The following SLC6A6 variants were observed in gnomAD, a reference collection of about 807,000 sequenced individuals.
The protein encoded by SLC6A6 is solute carrier family 6 member 6.
Under a neutral mutation model 68.8 loss-of-function variants are expected in SLC6A6, and 16 were observed. The ratio of observed to expected loss-of-function variants is 0.23; its 90% CI spans 0.16 to 0.35. The LOEUF (loss-of-function observed/expected upper bound fraction) is 0.35, where lower values mean the gene tolerates loss of function less well. Among genes scored for constraint, SLC6A6 ranks in the 10% least tolerant of loss-of-function variants. SLC6A6 has a pLI of 1.00. For missense variants in SLC6A6, 474 were observed against 802.8 expected (o/e 0.59, Z 4.95); for synonymous variants, 312 against 315.4 (o/e 0.99, Z 0.12).
chr3:14,432,121 C>T (rs569388808), intron 2 of SLC6A6, among the ~76,000 whole-genome samples: 1 of 152,286 alleles, frequency 6.6e-6, no homozygotes, highest in Non-Finnish European at 1.5e-5. Context: ...GGGCCTGTAT[C>T]CTTCCAGTTT....
In SLC6A6 at chr3:14,444,216, C is replaced by T. The variant is rs1700060708; in HGVS notation, c.229+353C>T. The stretch of plus-strand genomic sequence containing the variant: ...CCTCCTTATCTGTCCGCCATATCTA[C>T]TTGCCTCTGACTCTTTATCTTTCCT... On this transcript the variant is annotated intron_variant, in intron 3 of 14. Coordinates refer to ENST00000622186, the MANE Select transcript of SLC6A6 (RefSeq NM_003043.6). 4 of 239,046 alleles carry T rather than the reference C, an allele frequency of 1.7e-5. No individual in the cohort carries two copies. In the South Asian group the frequency reaches 2.3e-4, roughly 14 times the overall value. The allele number at this position is 239,046 out of a possible 1,614,324, so 14.8% of individuals were successfully genotyped here.
rs539621013 is a variant in SLC6A6 at position 14,443,751 on chromosome 3, G to A, written c.117G>A (p.Pro39=). 9.9e-5 allele frequency: 160 copies of A among 1,614,134 alleles called. 2 individuals are homozygous for A. In the Admixed American group the frequency reaches 1.8e-3, roughly 18 times the overall value. ...RPEDEAEGKP[P]QREKWSSKID... Reference sequence around the variant, plus strand: ...AGGACGAGGCTGAGGGAAAACCTCCGCAGAGGGAGAAGTGGTCTAGCAAGA... The same window carrying A: ...AGGACGAGGCTGAGGGAAAACCTCCACAGAGGGAGAAGTGGTCTAGCAAGA... The change falls in exon 3 of 15, where the codon CCG becomes CCA. Residue 39 remains proline (P), a synonymous_variant. Coordinates refer to ENST00000622186, the MANE Select transcript of SLC6A6 (RefSeq NM_003043.6).
intron 2 of SLC6A6, among the ~76,000 whole-genome samples, chr3:14,424,947 C>A (rs1699560388): frequency 6.6e-6 from 1 of 152,170 alleles, no homozygotes; most frequent in Non-Finnish European, 1.5e-5. Context: ...AGAAACCGTT[C>A]AGCTGGTATT....
intron 5 of SLC6A6, among the ~76,000 whole-genome samples, chr3:14,453,330 C>T (rs965645872): frequency 3.9e-5 from 6 of 152,242 alleles, no homozygotes; most frequent in Admixed American, 1.3e-4. Context: ...CAGCTTACCT[C>T]GGAGTCTCCT....
chr3:14,478,531 T>C lies in SLC6A6; in HGVS notation c.1413T>C (p.Val471=). 6.2e-7 allele frequency: 1 copy of C among 1,613,168 alleles called. No homozygotes were observed. The change falls in exon 12 of 15, where the codon GTT becomes GTC. Residue 471 remains valine (V), a synonymous_variant. Transcript: ENST00000622186. ...YAASGVCLLW[V]AFFECFVIAW... ...CTAGCGGTGTATGCCTTTTGTGGGT[T>C]GCATTCTTTGAATGTTTTGTTATTG...
At chr3:14,429,069 C>A (rs1207994652) in intron 2 of SLC6A6, among the ~76,000 whole-genome samples, 1 of 152,172 alleles carries the variant, frequency 6.6e-6, no homozygotes, top group African/African-American at 2.4e-5. Context: ...GGTTGGTCTC[C>A]AAGGCTTCTC....
chr3:14,409,097 C>T (rs1413026566), intron 1 of SLC6A6, among the ~76,000 whole-genome samples: 4 of 152,220 alleles, frequency 2.6e-5, no homozygotes, highest in African/African-American at 9.6e-5. Flanking sequence ...CGTGAGCCAC[C>T]ACGCCTGGCC....
chr3:14,442,643 G>A (rs1247875773), intron 2 of SLC6A6, among the ~76,000 whole-genome samples: 11 of 152,174 alleles, frequency 7.2e-5, no homozygotes, highest in Non-Finnish European at 1.5e-4. Flanking sequence ...GGGACCTTAG[G>A]AAGTACAGAA....
rs916098503 is a variant in SLC6A6, at chr3:14,428,742, T to C, written c.-12+12289T>C. 5.3e-5 allele frequency among the ~76,000 whole-genome samples: 8 copies of C among 152,164 alleles called. No individual in the cohort carries two copies. In the East Asian group the frequency reaches 1.2e-3, roughly 22 times the overall value. ...AGTCCAGAGCAGGGCAAGCCTCACCTTGGTCAAGCAATGTCACCAGAGCCT... is the reference window on the plus strand; with the variant it reads ...AGTCCAGAGCAGGGCAAGCCTCACCCTGGTCAAGCAATGTCACCAGAGCCT... On this transcript the variant is annotated intron_variant, in intron 2 of 14. Coordinates refer to ENST00000622186, the MANE Select transcript of SLC6A6 (RefSeq NM_003043.6).
chr3:14,470,424 C>T (rs182179241), intron 9 of SLC6A6, among the ~76,000 whole-genome samples: 2 of 152,318 alleles, frequency 1.3e-5, no homozygotes, highest in African/African-American at 4.8e-5. Flanking sequence ...AGCAGAGAGG[C>T]ATCCAGAGGT....
At position 14,478,423 on chromosome 3, in the gene SLC6A6, G is replaced by T; in HGVS notation, c.1348-43G>T. On this transcript the variant is annotated intron_variant, in intron 11 of 14. Coordinates refer to ENST00000622186, the MANE Select transcript of SLC6A6 (RefSeq NM_003043.6). ...CTCTTTGTATATGAAAGAAATTGGA[G>T]ACCAGGTAGGAAATCGACCTTCTGT... 2.5e-6 allele frequency: 3 copies of T among 1,201,976 alleles called. No homozygotes were observed. The South Asian group carries it at 3.7e-5, about 15-fold the overall frequency. The allele number at this position is 1,201,976 out of a possible 1,614,324, so 74.5% of individuals were successfully genotyped here.
intron 12 of SLC6A6, 65 bp from the exon 13 acceptor site, chr3:14,479,020 T>C: frequency 1.0e-6 from 1 of 1,003,448 alleles, no homozygotes; most frequent in Non-Finnish European, 1.6e-6. Flanking sequence ...ACCCCACTCA[T>C]GGCCCCTGAG....
chr3:14,457,828 A>G (rs1337437325), intron 5 of SLC6A6, 122 bp from the exon 6 acceptor site: 4 of 833,116 alleles, frequency 4.8e-6, no homozygotes, highest in South Asian at 1.5e-5. Context: ...AGGTGAGGTG[A>G]CTTATGTAAA....
chr3:14,419,533 C>T (rs1418591508), intron 2 of SLC6A6, among the ~76,000 whole-genome samples: 2 of 152,158 alleles, frequency 1.3e-5, no homozygotes, highest in East Asian at 3.8e-4. Context: ...TCAGGCAGTC[C>T]CTAGTTCAAA....
chr3:14,476,416 C>CT (rs1413752470), intron 10 of SLC6A6, among the ~76,000 whole-genome samples: 2 of 152,188 alleles, frequency 1.3e-5, no homozygotes, highest in African/African-American at 4.8e-5. Context: ...TTTAGAAAGA[C>CT]TGAGAATTCC....
chr3:14,470,354 C>T (rs546477855), intron 9 of SLC6A6, among the ~76,000 whole-genome samples: 1 of 152,244 alleles, frequency 6.6e-6, no homozygotes, highest in East Asian at 1.9e-4. Flanking sequence ...TGCATTTGAA[C>T]AAGATAATTA....
In SLC6A6 at chr3:14,443,749, C is replaced by G. The variant is rs770884063; in HGVS notation, c.115C>G (p.Pro39Ala). Residue 39 changes from proline to alanine, a missense_variant, in exon 3 of 15, where the codon CCG (proline) becomes GCG (alanine). Physicochemically the swap from Pro to Ala is conservative, Grantham distance 27 (BLOSUM62 -1). Coordinates refer to ENST00000622186, the MANE Select transcript of SLC6A6 (RefSeq NM_003043.6). ...TGAGGACGAGGCTGAGGGAAAACCT[C>G]CGCAGAGGGAGAAGTGGTCTAGCAA... ...RPEDEAEGKP[P>A]QREKWSSKID... 4 of 1,614,152 alleles carry G rather than the reference C, an allele frequency of 2.5e-6. No homozygotes were observed. The highest frequency in any genetic ancestry group is 3.4e-6 in the Non-Finnish European group (4 of 1,179,996).
chr3:14,459,025 G>T (rs1700433915), intron 6 of SLC6A6, among the ~76,000 whole-genome samples: 1 of 152,226 alleles, frequency 6.6e-6, no homozygotes, highest in African/African-American at 2.4e-5. Context: ...GACACTGGCT[G>T]TTGTCATGGC....
intron 2 of SLC6A6, among the ~76,000 whole-genome samples, chr3:14,432,250 C>G (rs1213575284): frequency 2.0e-5 from 3 of 152,216 alleles, no homozygotes; most frequent in Non-Finnish European, 4.4e-5. Context: ...TTTCTCTTTT[C>G]TTGAGTTTCT....
Sources: allele counts gnomAD v4.1 joint callset (sites outside exome capture counted in the v4.1 genomes callset), GRCh38; gene constraint gnomAD v4.1.1; transcripts MANE v1.5; gene names NCBI Gene and HGNC (gene_info 2026-07-23, HGNC 2026-07-21).